Variants in GPRC5D observed in about 807,000 individuals in gnomAD.
The protein encoded by GPRC5D is G protein-coupled receptor family C group 5 member D.
Under a neutral mutation model 29.3 loss-of-function variants are expected in GPRC5D, and 20 were observed. The ratio of observed to expected loss-of-function variants is 0.68; its 90% CI spans 0.48 to 0.99. The LOEUF (loss-of-function observed/expected upper bound fraction) is 0.99, where lower values mean the gene tolerates loss of function less well. GPRC5D is among the 50% of genes least tolerant of loss of function. The pLI is 0.00. For synonymous variants in GPRC5D, 178 were observed against 171.3 expected (o/e 1.04, Z -0.30); for missense variants, 384 against 423.6 (o/e 0.91, Z 0.82).
intron 1 of GPRC5D, chr12:12,947,035 G>C (rs1863365656): frequency 6.6e-6 from 1 of 152,134 alleles, no homozygotes; most frequent in Non-Finnish European, 1.5e-5. Flanking sequence ...TTCCACACAG[G>C]TCTGATGTTA....
upstream of GPRC5D, chr12:12,950,508 A>G: frequency 5.7e-6 from 4 of 699,944 alleles, no homozygotes; most frequent in Non-Finnish European, 9.5e-6. Context: ...TTTTGCTATT[A>G]AAAGTAATGG....
At chr12:12,941,703 C>T (rs1863150287) in intron 2 of GPRC5D, among the ~76,000 whole-genome samples, 4 of 152,206 alleles carry the variant, frequency 2.6e-5, no homozygotes, top group Admixed American at 1.3e-4. Context: ...GAATTACCCC[C>T]AAACTACTCA....
In GPRC5D at chr12:12,942,158, C is replaced by T; in HGVS notation, c.963+103G>A. 3 of 797,558 alleles carry T rather than the reference C, an allele frequency of 3.8e-6. 1 individual carries two copies. The South Asian group carries it at 4.7e-5, about 12-fold the overall frequency. The allele number at this position is 797,558 out of a possible 1,614,324, so 49.4% of individuals were successfully genotyped here. On this transcript the variant is annotated intron_variant, in intron 2 of 2. Coordinates refer to ENST00000228887, the Ensembl canonical transcript of GPRC5D. ...TAGGGATGCTCCTGCTCTGTCTCTC[C>T]TCTCTCAGGTCAGTAAAGCCATTAG...
rs745322553 is a variant in GPRC5D at position 12,946,309 on chromosome 12, T to TTTTCTTTC, written c.895+3173_895+3180dup. ...CTTCCTTTCTTCCTTCCTTCCTTCCTTTTCTTTCTTTCTTTCTTTCTTTCT... is the reference window on the plus strand; with the variant it reads ...CTTCCTTTCTTCCTTCCTTCCTTCCTTTTCTTTCTTTCTTTCTTTCTTTCTTTCTTTCT... On this transcript the variant is annotated intron_variant, in intron 1 of 2. Coordinates refer to ENST00000228887, the Ensembl canonical transcript of GPRC5D. Among the ~76,000 whole-genome samples the TTTTCTTTC allele has an allele frequency of 2.2e-3, 82 of 37,664 alleles. 1 individual carries two copies. Among genetic ancestry groups the TTTTCTTTC allele is most frequent in the African/African-American group, 6.3e-3 (75 of 11,962 alleles). 24.7% of individuals were successfully genotyped at this position (37,664 alleles called of 152,430 possible).
chr12:12,942,315 A>C, exon 2 of GPRC5D: 1 of 1,612,744 alleles, frequency 6.2e-7, no homozygotes, highest in Non-Finnish European at 8.5e-7. Context: ...CCTCAGCTCC[A>C]TCACTGTCTC....
At chr12:12,949,813 G>C in exon 1 of GPRC5D, 1 of 1,614,154 alleles carries the variant, frequency 6.2e-7, no homozygotes, top group Non-Finnish European at 8.5e-7. Flanking sequence ...GCCACAGAAG[G>C]TGGCTTTGGA....
At chr12:12,945,748 C>T (rs1357609002) in intron 1 of GPRC5D, among the ~76,000 whole-genome samples, 3 of 152,094 alleles carry the variant, frequency 2.0e-5, no homozygotes, top group Admixed American at 6.5e-5. Context: ...AAATTCTTTA[C>T]CCTAATCTTT....
At chr12:12,946,293 TTCCTTCCTTCC>T (rs1565478311) in intron 1 of GPRC5D, among the ~76,000 whole-genome samples, 4 of 47,862 alleles carry the variant, frequency 8.4e-5, no homozygotes, top group African/African-American at 3.2e-4. Context: ...CCTTCCTTTC[TTCCTTCCTTCC>T]TTCCTTTTCT....
upstream of GPRC5D, chr12:12,951,979 T>C (rs551235728): frequency 5.0e-4 from 76 of 152,090 alleles, no homozygotes; most frequent in African/African-American, 1.7e-3. Context: ...CACATATTCA[T>C]TTGAAAAAAA....
chr12:12,946,868 T>C (rs1356275111), intron 1 of GPRC5D, among the ~76,000 whole-genome samples: 1 of 152,198 alleles, frequency 6.6e-6, no homozygotes, highest in Non-Finnish European at 1.5e-5. Context: ...GAATCACAGC[T>C]ACAAACAGCA....
At chr12:12,947,434 G>C (rs568483874) in intron 1 of GPRC5D, among the ~76,000 whole-genome samples, 4 of 152,222 alleles carry the variant, frequency 2.6e-5, no homozygotes, top group African/African-American at 7.2e-5. Flanking sequence ...TCTTCCAGAT[G>C]ACCTAAATTC....
At chr12:12,944,516 G>A (rs2136493046) in intron 1 of GPRC5D, 1 of 71,710 alleles carries the variant, frequency 1.4e-5, no homozygotes, top group Non-Finnish European at 3.5e-5. Flanking sequence ...TGTTCAAAAA[G>A]GGCTATGTTC....
At chr12:12,949,089 G>C (rs17820674) in intron 1 of GPRC5D, among the ~76,000 whole-genome samples, 1 of 152,196 alleles carries the variant, frequency 6.6e-6, no homozygotes, top group Non-Finnish European at 1.5e-5. Flanking sequence ...GCCAGGATCG[G>C]CTGTTGCACT....
At chr12:12,941,154 G>A (rs530204360) in intron 2 of GPRC5D, among the ~76,000 whole-genome samples, 12 of 152,144 alleles carry the variant, frequency 7.9e-5, no homozygotes, top group Middle Eastern at 3.4e-3. Flanking sequence ...CAAGTGATCC[G>A]CCCACCTCAC....
At chr12:12,949,404 C>T in intron 1 of GPRC5D, 86 bp downstream of exon 2, 1 of 1,178,026 alleles carries the variant, frequency 8.5e-7, no homozygotes, top group Non-Finnish European at 1.2e-6. Context: ...CTTTTAGTTT[C>T]CTCTTGGCTC....
In GPRC5D at chr12:12,950,070, T is replaced by A. The variant is rs758539628; in HGVS notation, c.315A>T (p.Ser105=). The change falls in exon 1 of 3, where the codon TCA becomes TCT. Residue 105 remains serine, a synonymous_variant. Transcript: ENST00000228887. ...GATTGGAGGCATGAGCTAAGAGGCA[T>A]GAGAAACAGAGAGCAAAGAGAACCC... 6.8e-6 allele frequency: 11 copies of A among 1,613,696 alleles called. No individual in the cohort carries two copies. The South Asian group carries it at 1.1e-4, about 16-fold the overall frequency.
downstream of GPRC5D, chr12:12,940,682 T>C: frequency 1.4e-6 from 1 of 729,546 alleles, no homozygotes; most frequent in Non-Finnish European, 2.5e-6. Flanking sequence ...GACTCTTCAT[T>C]GGCAGCGTGA....
upstream of GPRC5D, among the ~76,000 whole-genome samples, chr12:12,951,858 T>C (rs1863504855): frequency 6.6e-6 from 1 of 152,208 alleles, no homozygotes; most frequent in African/African-American, 2.4e-5. Context: ...TAAACACCTA[T>C]TGTGTGTTCA....
intron 2 of GPRC5D, among the ~76,000 whole-genome samples, chr12:12,941,809 C>A (rs929779846): frequency 6.6e-6 from 1 of 152,216 alleles, no homozygotes; most frequent in Non-Finnish European, 1.5e-5. Context: ...GTTCTTAGGG[C>A]AGCCTGGGCT....
Sources: gnomAD v4.1 joint callset for allele counts (sites outside exome capture counted in the v4.1 genomes callset) on GRCh38, gnomAD v4.1.1 for gene constraint, MANE v1.5 for transcripts, NCBI Gene and HGNC (gene_info 2026-07-23, HGNC 2026-07-21) for gene names.